MACROD2: variants seen among roughly 807,000 people sequenced by gnomAD.
MACROD2 encodes mono-ADP ribosylhydrolase 2, also known as ADP-ribose glycohydrolase MACROD2.
MACROD2 carries 36 observed loss-of-function variants against 70.4 expected under a neutral mutation model. The observed-to-expected ratio is 0.51, with a 90% confidence interval of 0.39 to 0.68. The LOEUF (loss-of-function observed/expected upper bound fraction) is 0.68, where lower values mean the gene tolerates loss of function less well. Ranked by LOEUF, MACROD2 falls within the 30% of genes least tolerant of loss-of-function variation. MACROD2 has a pLI of 0.00. For missense variants in MACROD2, 496 were observed against 538.4 expected, an observed-to-expected ratio of 0.92 and a Z score of 0.78; for synonymous variants, 172 against 178.8, an observed-to-expected ratio of 0.96 and a Z score of 0.30.
chr20:15,596,650 T>G (rs1458057125), intron 8 of MACROD2, among the ~76,000 whole-genome samples: 1 of 152,242 alleles, frequency 6.6e-6, no homozygotes, highest in African/African-American at 2.4e-5. Context: ...TTGCAGTGAT[T>G]GGCAGTGTAC....
chr20:14,696,190 A>C (rs941586024), intron 5 of MACROD2, among the ~76,000 whole-genome samples: 2 of 152,150 alleles, frequency 1.3e-5, no homozygotes, highest in South Asian at 2.1e-4. Flanking sequence ...ATAGATCGAT[A>C]GATAGATAGA....
intron 8 of MACROD2, among the ~76,000 whole-genome samples, chr20:15,837,741 T>G (rs2064129912): frequency 1.3e-5 from 2 of 152,174 alleles, no homozygotes; most frequent in African/African-American, 4.8e-5. Flanking sequence ...CACAGACACC[T>G]TAGGTTCCTC....
chr20:15,637,739 C>A (rs144584447), intron 8 of MACROD2, among the ~76,000 whole-genome samples: 1 of 152,150 alleles, frequency 6.6e-6, no homozygotes, highest in Non-Finnish European at 1.5e-5. Context: ...TGGGGAGCCG[C>A]GGTTGTGGGC....
At chr20:15,422,596 C>G (rs1208749299) in intron 6 of MACROD2, among the ~76,000 whole-genome samples, 2 of 152,186 alleles carry the variant, frequency 1.3e-5, no homozygotes, top group Admixed American at 1.3e-4. Context: ...ACATAGAGCT[C>G]TGAGCCCAGT....
intron 8 of MACROD2, among the ~76,000 whole-genome samples, chr20:15,809,085 G>A (rs959756833): frequency 3.9e-5 from 6 of 152,130 alleles, no homozygotes; most frequent in Non-Finnish European, 8.8e-5. Flanking sequence ...CTACATAGCA[G>A]CCATTTTCTA....
chr20:15,495,267 T>C (rs2047283203), intron 7 of MACROD2, among the ~76,000 whole-genome samples: 1 of 152,212 alleles, frequency 6.6e-6, no homozygotes, highest in Non-Finnish European at 1.5e-5. Context: ...GGAGGTCTTG[T>C]AGTTAAGTGG....
intron 6 of MACROD2, among the ~76,000 whole-genome samples, chr20:15,413,234 G>C (rs948075216): frequency 6.6e-6 from 1 of 151,338 alleles, no homozygotes; most frequent in South Asian, 2.1e-4. Flanking sequence ...TTTTTTTGAC[G>C]GGGCAAGTTT....
intron 8 of MACROD2, among the ~76,000 whole-genome samples, chr20:15,618,553 A>T (rs2049075130): frequency 7.4e-6 from 1 of 135,208 alleles, no homozygotes; most frequent in Non-Finnish European, 1.5e-5. Flanking sequence ...CCAAGATTTC[A>T]TTGAGATTTC....
chr20:15,262,842 G>T (rs2077260790), intron 6 of MACROD2, among the ~76,000 whole-genome samples: 1 of 151,978 alleles, frequency 6.6e-6, no homozygotes, highest in Admixed American at 6.6e-5. Flanking sequence ...CCATTTGTAT[G>T]TCTTCTTTTG....
At chr20:14,178,672 A>G (rs1271591832) in intron 3 of MACROD2, among the ~76,000 whole-genome samples, 2 of 151,458 alleles carry the variant, frequency 1.3e-5, no homozygotes, top group East Asian at 1.9e-4. Flanking sequence ...TCTTAGAATC[A>G]TAGTAATATT....
chr20:15,087,433 A>G (rs2075757173), intron 5 of MACROD2, among the ~76,000 whole-genome samples: 1 of 152,070 alleles, frequency 6.6e-6, no homozygotes, highest in African/African-American at 2.4e-5. Flanking sequence ...TATAATATAT[A>G]ATGAAAGACA....
At chr20:15,467,079 G>A (rs1488662290) in intron 7 of MACROD2, among the ~76,000 whole-genome samples, 1 of 152,192 alleles carries the variant, frequency 6.6e-6, no homozygotes, top group Admixed American at 6.5e-5. Flanking sequence ...AGGAGAAAGT[G>A]TGTTGCTCTA....
chr20:15,287,127 A>G (rs2077499472), intron 6 of MACROD2, among the ~76,000 whole-genome samples: 1 of 152,184 alleles, frequency 6.6e-6, no homozygotes, highest in African/African-American at 2.4e-5. Flanking sequence ...CATAAATTCA[A>G]TGTAAAAGGA....
At chr20:15,751,888 T>C (rs1444017363) in intron 8 of MACROD2, among the ~76,000 whole-genome samples, 1 of 151,362 alleles carries the variant, frequency 6.6e-6, no homozygotes, top group East Asian at 2.0e-4. Flanking sequence ...GTTTTTTTTT[T>C]CAGTCAGTGT....
At chr20:14,261,386 AT>A (rs1313815922) in intron 3 of MACROD2, among the ~76,000 whole-genome samples, 2 of 152,198 alleles carry the variant, frequency 1.3e-5, no homozygotes, top group African/African-American at 2.4e-5. Flanking sequence ...CTACTTTCGC[AT>A]TTAATGTGAC....
chr20:15,077,080 G>A (rs1385257859), intron 5 of MACROD2, among the ~76,000 whole-genome samples: 1 of 152,144 alleles, frequency 6.6e-6, no homozygotes, highest in Non-Finnish European at 1.5e-5. Flanking sequence ...GCATGTAATT[G>A]CACTATTAAG....
chr20:15,980,563 T>A (rs8123601), intron 13 of MACROD2, among the ~76,000 whole-genome samples: 3,977 of 152,296 alleles, frequency 0.026, 208 homozygotes, highest in African/African-American at 0.091. Context: ...ATTACTATTA[T>A]AACTCCTATT....
At chr20:14,009,041 T>C (rs1205050616) in intron 2 of MACROD2, among the ~76,000 whole-genome samples, 3 of 152,138 alleles carry the variant, frequency 2.0e-5, no homozygotes, top group African/African-American at 7.2e-5. Flanking sequence ...CGCAGTACCA[T>C]TCAGGATCTA....
chr20:14,012,155 C>T (rs1257831517), intron 2 of MACROD2, among the ~76,000 whole-genome samples: 1 of 152,120 alleles, frequency 6.6e-6, no homozygotes, highest in Non-Finnish European at 1.5e-5. Context: ...GATCCACCCT[C>T]CTCTGCGTCC....
Sources: allele counts gnomAD v4.1 joint callset (sites outside exome capture counted in the v4.1 genomes callset), GRCh38; gene constraint gnomAD v4.1.1; transcripts MANE v1.5; gene names NCBI Gene and HGNC (gene_info 2026-07-23, HGNC 2026-07-21).